KIF3A: variants seen among roughly 807,000 people sequenced by gnomAD.
KIF3A encodes kinesin family member 3A, also known as kinesin-like protein KIF3A.
In KIF3A, 27 loss-of-function variants were observed where a neutral mutation model predicts 92.6. The observed-to-expected ratio is 0.29, with a 90% CI of 0.21 to 0.40. The LOEUF (loss-of-function observed/expected upper bound fraction) is 0.40, where lower values mean the gene tolerates loss of function less well. Among genes scored for constraint, KIF3A ranks in the 10% least tolerant of loss-of-function variants. KIF3A has a pLI of 1.00. For synonymous variants in KIF3A, 250 were observed against 275.4 expected (o/e 0.91, Z 0.92); for missense variants, 581 against 872.6 (o/e 0.67, Z 4.21).
In KIF3A at chr5:132,696,396, A is replaced by C; in HGVS notation, c.*238T>G. The C allele has an allele frequency of 2.3e-6, 1 of 437,618 alleles. No homozygotes were observed. 27.1% of individuals were successfully genotyped at this position (437,618 alleles called of 1,614,324 possible). A position where few individuals can be genotyped will look rare whatever the true frequency, so the allele number is the denominator to read the frequency against. On this transcript the variant is annotated 3_prime_UTR_variant, in exon 19 of 19. Transcript: ENST00000403231. ...AACTGTTCCCCCAACTTCCCTGCAC[A>C]GTACAATTGAAGAGTAGTAGTACAA... is the stretch of plus-strand genomic sequence containing the variant.
intron 11 of KIF3A, among the ~76,000 whole-genome samples, chr5:132,704,025 G>A (rs1187373887): frequency 4.6e-5 from 7 of 151,650 alleles, no homozygotes; most frequent in South Asian, 2.1e-4. Flanking sequence ...AAAATCAAGC[G>A]ACTCCTTAAA....
chr5:132,700,243 G>A lies in KIF3A; in HGVS notation c.1980C>T (p.Thr660=), dbSNP rs1752987067. Residue 660 remains threonine, a synonymous_variant, in exon 17 of 19, where the codon ACC becomes ACT. Transcript: ENST00000403231. ...AYTGNNMRKQ[T]PVPDKKEKDP... is the part of the protein sequence containing the mutation. ...CTTTCTCCTTTTTATCAGGTACTGG[G>A]GTTTGCTTCCTCATGTTATTTCCTG... 6.3e-7 allele frequency: 1 copy of A among 1,597,358 alleles called. No homozygotes were observed. Among genetic ancestry groups the A allele is most frequent in the African/African-American group, 1.3e-5 (1 of 74,334 alleles).
intron 8 of KIF3A, among the ~76,000 whole-genome samples, 186 bp downstream of exon 8, chr5:132,715,571 T>G (rs1388185214): frequency 1.3e-5 from 2 of 152,200 alleles, no homozygotes; most frequent in African/African-American, 4.8e-5. Flanking sequence ...ATTATGTAAT[T>G]TTACTTAAGC....
Position 132,737,506 on chromosome 5 carries a change from A to G in KIF3A, c.-87T>C, listed in dbSNP as rs1022728848. 1.4e-6 allele frequency: 2 copies of G among 1,478,368 alleles called. No homozygotes were observed. Among genetic ancestry groups the G allele is most frequent in the Non-Finnish European group, 1.9e-6 (2 of 1,077,312 alleles). The allele number at this position is 1,478,368 out of a possible 1,614,324, so 91.6% of individuals were successfully genotyped here. A position where few individuals can be genotyped will look rare whatever the true frequency, so the allele number is the denominator to read the frequency against. On this transcript the variant is annotated 5_prime_UTR_variant, in exon 1 of 19. Transcript: ENST00000403231. Reference sequence around the variant, plus strand: ...TGCGCAGAAAGGATGGCCAGAGACTACCGAAACACCTCGTTGACGCTCTCG... The same window carrying G: ...TGCGCAGAAAGGATGGCCAGAGACTGCCGAAACACCTCGTTGACGCTCTCG...
intron 4 of KIF3A, chr5:132,723,326 G>C (rs1346980791): frequency 6.6e-6 from 1 of 152,208 alleles, no homozygotes; most frequent in African/African-American, 2.4e-5. Flanking sequence ...AACCAAAAAA[G>C]AGCCCGCATT....
At chr5:132,700,420 A>C (rs1407398445) in intron 16 of KIF3A, 136 bp from the exon 17 acceptor site, 1 of 673,372 alleles carries the variant, frequency 1.5e-6, no homozygotes, top group Non-Finnish European at 2.6e-6. Flanking sequence ...AGGGCCCCAG[A>C]GGTCACTTAG....
chr5:132,735,486 CTCT>C (rs1754360989), intron 1 of KIF3A, among the ~76,000 whole-genome samples: 1 of 152,200 alleles, frequency 6.6e-6, no homozygotes, highest in African/African-American at 2.4e-5. Flanking sequence ...GTTTCAGATT[CTCT>C]TCTAAGCATT....
chr5:132,731,713 A>G (rs1235745413), intron 2 of KIF3A, among the ~76,000 whole-genome samples: 2 of 143,120 alleles, frequency 1.4e-5, no homozygotes, highest in African/African-American at 5.1e-5. Context: ...TGCAAACAAC[A>G]TTTTTTTTTT....
intron 12 of KIF3A, 139 bp downstream of exon 12, chr5:132,703,324 A>G (rs1753106172): frequency 2.7e-6 from 2 of 728,070 alleles, no homozygotes; most frequent in Non-Finnish European, 4.4e-6. Flanking sequence ...ACTATATACA[A>G]TGGACCCTTC....
At chr5:132,727,379 C>T (rs1237552024) in intron 2 of KIF3A, among the ~76,000 whole-genome samples, 3 of 151,998 alleles carry the variant, frequency 2.0e-5, no homozygotes, top group Non-Finnish European at 4.4e-5. Context: ...GAGTCAGGGA[C>T]ATCAACTAGG....
chr5:132,727,364 G>A (rs1754068034), intron 2 of KIF3A, among the ~76,000 whole-genome samples: 1 of 152,202 alleles, frequency 6.6e-6, no homozygotes, highest in Non-Finnish European at 1.5e-5. Flanking sequence ...GGGAGTTCTA[G>A]ATGGGAGTCA....
intron 8 of KIF3A, among the ~76,000 whole-genome samples, chr5:132,712,719 T>C (rs979661040): frequency 6.6e-6 from 1 of 152,178 alleles, no homozygotes; most frequent in Admixed American, 6.5e-5. Flanking sequence ...TGGAGAAACT[T>C]TGCAGGGTCA....
At chr5:132,736,491 A>T (rs1327144533) in intron 1 of KIF3A, among the ~76,000 whole-genome samples, 1 of 152,226 alleles carries the variant, frequency 6.6e-6, no homozygotes, top group Non-Finnish European at 1.5e-5. Flanking sequence ...CAAGAAGGCA[A>T]GCCTCTCTCT....
rs1214226032 is a variant in KIF3A at position 132,710,986 on chromosome 5, C to G, written c.1201G>C (p.Asp401His). The G allele has an allele frequency of 6.2e-7, 1 of 1,612,388 alleles. No individual in the cohort carries two copies. The change falls in exon 9 of 19, where the codon GAT becomes CAT. Residue 401 changes from aspartate (D) to histidine (H), a missense_variant. Physicochemically the swap from Asp to His is moderately conservative, Grantham distance 81 (BLOSUM62 -1). This residue lies in a region of KIF3A where 167 missense variants were observed against 205.8 expected (regional missense o/e 0.81). Coordinates refer to ENST00000403231, the MANE Select transcript of KIF3A (RefSeq NM_001300791.2). ...DDDEEGEVGE[D>H]GEKRKKRRGS... Reference sequence around the variant, plus strand: ...CTTCTTTTTTTCCTTTTCTCTCCATCTTCTCCAACCTCACCCTCTTCATCA... The same window carrying G: ...CTTCTTTTTTTCCTTTTCTCTCCATGTTCTCCAACCTCACCCTCTTCATCA...
At chr5:132,690,955 G>C (rs923312923), downstream of KIF3A, among the ~76,000 whole-genome samples, 2 of 152,074 alleles carry the variant, frequency 1.3e-5, no homozygotes, top group Non-Finnish European at 2.9e-5. Context: ...AAAATTTAAA[G>C]TCCTTTGAAA....
intron 2 of KIF3A, among the ~76,000 whole-genome samples, chr5:132,733,616 A>G (rs976163364): frequency 2.6e-5 from 4 of 152,154 alleles, no homozygotes; most frequent in Non-Finnish European, 5.9e-5. Context: ...AAAACAAAAA[A>G]ATGAGCCAGG....
intron 9 of KIF3A, 31 bp from the exon 10 acceptor site, chr5:132,709,009 AC>A: frequency 6.7e-7 from 1 of 1,498,106 alleles, no homozygotes; most frequent in Non-Finnish European, 9.1e-7. Flanking sequence ...CCCAACAGGA[AC>A]CAAAGAAAGA....
At chr5:132,697,642 C>T (rs1412235789) in intron 18 of KIF3A, 3 of 152,216 alleles carry the variant, frequency 2.0e-5, no homozygotes, top group East Asian at 1.9e-4. Flanking sequence ...AGGGCAAAAC[C>T]CCATCTCTAG....
At chr5:132,727,920 A>G (rs572553444) in intron 2 of KIF3A, among the ~76,000 whole-genome samples, 1 of 152,308 alleles carries the variant, frequency 6.6e-6, no homozygotes, top group East Asian at 1.9e-4. Context: ...TTTTGTGAAA[A>G]TAATCATAAC....
Sources: allele counts gnomAD v4.1 joint callset (sites outside exome capture counted in the v4.1 genomes callset), GRCh38; gene constraint gnomAD v4.1.1; regional missense constraint gnomAD v4.1.1; transcripts MANE v1.5; gene names NCBI Gene and HGNC (gene_info 2026-07-23, HGNC 2026-07-21).